The following ITIH4 variants were observed in gnomAD, a reference collection of about 807,000 sequenced individuals.
ITIH4 encodes inter-alpha-trypsin inhibitor heavy chain 4, also known as inter-alpha-trypsin inhibitor heavy chain H4.
In ITIH4, 79 loss-of-function variants were observed where a neutral mutation model predicts 111.8. That is an observed-to-expected ratio of 0.71 (90% CI 0.59 to 0.85). The LOEUF is 0.85. Ranked by LOEUF, ITIH4 falls within the 40% of genes least tolerant of loss-of-function variation. The probability of loss-of-function intolerance (pLI) is 0.00; values close to 1 mark genes in which losing one functional copy is unlikely to be tolerated. For synonymous variants in ITIH4, 472 were observed against 468.3 expected (o/e 1.01, Z -0.10); for missense variants, 1,065 against 1,195.8 (o/e 0.89, Z 1.61).
At chr3:52,816,174 G>T (rs1373447927) in intron 21 of ITIH4, among the ~76,000 whole-genome samples, 1 of 152,180 alleles carries the variant, frequency 6.6e-6, no homozygotes, top group Admixed American at 6.5e-5. Flanking sequence ...GCCCACAGAG[G>T]ACGAGGGCCT....
chr3:52,825,844 C>G (rs1209631056), intron 6 of ITIH4, 42 bp downstream of exon 6: 4 of 1,585,816 alleles, frequency 2.5e-6, no homozygotes, highest in Middle Eastern at 2.0e-4. Flanking sequence ...TGGGGGTGGA[C>G]AGACTTCTAG....
chr3:52,827,122 C>G lies in ITIH4; in HGVS notation c.327G>C (p.Val109=). 6.2e-7 allele frequency: 1 copy of G among 1,614,170 alleles called. No individual in the cohort carries two copies. Among genetic ancestry groups the G allele is most frequent in the South Asian group, 1.1e-5 (1 of 91,076 alleles). ...AEAQAQYSAA[V]AKGKSAGLVK... is the part of the protein sequence containing the mutation. ...CGAGGCCAGCGCTCTTTCCCTTGGC[C>G]ACTGCTGCGCTGTACTGTGCCTGGG... The change falls in exon 3 of 24, where the codon GTG becomes GTC. Residue 109 remains valine, a synonymous_variant. Transcript: ENST00000266041.
At chr3:52,817,948 G>A in intron 20 of ITIH4, 104 bp downstream of exon 20, 1 of 859,674 alleles carries the variant, frequency 1.2e-6, no homozygotes, top group Non-Finnish European at 2.0e-6. Flanking sequence ...TGATCTGGGA[G>A]GGGCCTGTGT....
chr3:52,820,523 C>G, intron 13 of ITIH4, 108 bp downstream of exon 13: 1 of 1,368,312 alleles, frequency 7.3e-7, no homozygotes, highest in Non-Finnish European at 1.0e-6. Flanking sequence ...CAGGGGGAGT[C>G]TGTTGGGGGC....
intron 11 of ITIH4, among the ~76,000 whole-genome samples, chr3:52,823,053 A>G (rs1472536623): frequency 1.3e-5 from 2 of 152,282 alleles, no homozygotes; most frequent in South Asian, 2.1e-4. Flanking sequence ...CAGGGCCTGA[A>G]GAAGGCCCTG....
rs867363209 is a variant in ITIH4 at position 52,819,774 on chromosome 3, C to A, written c.1931G>T (p.Arg644Ile). The change falls in exon 16 of 24, where the codon AGA (arginine) becomes ATA (isoleucine). Residue 644 changes from arginine to isoleucine, a missense_variant. By Grantham distance (97) the Arg-to-Ile change is moderately conservative (BLOSUM62 -3). Transcript: ENST00000266041. The part of the protein sequence containing the change: ...IPKPEASFSP[R>I]RGWNRQAGAA... ...ACTACCTTGTCTATTCCATCCTCTT[C>A]TTGGAGAAAAGGAAGCCTCTGTGTG... 3.1e-6 allele frequency: 5 copies of A among 1,614,008 alleles called. No homozygotes were observed. In the African/African-American group the frequency reaches 5.3e-5, roughly 17 times the overall value.
At chr3:52,820,378 G>T in intron 13 of ITIH4, 61 bp from the exon 14 acceptor site, 1 of 1,570,986 alleles carries the variant, frequency 6.4e-7, no homozygotes, top group South Asian at 1.1e-5. Context: ...GACACCGTCA[G>T]GGTGGTTTTC....
Position 52,823,708 on chromosome 3 carries a change from T to C in ITIH4, c.1387A>G (p.Thr463Ala). ...FYQEVANPLL[T>A]AVTFEYPSNA... ...CTTGGGTACTCGAAGGTCACTGCTGTCAGCAGTGGGTTGGCCACTTCCTGG... is the reference window on the plus strand; with the variant it reads ...CTTGGGTACTCGAAGGTCACTGCTGCCAGCAGTGGGTTGGCCACTTCCTGG... Residue 463 changes from threonine to alanine, a missense_variant, in exon 11 of 24, where the codon ACA becomes GCA. By Grantham distance (58) the Thr-to-Ala change is moderately conservative (BLOSUM62 0). Coordinates refer to ENST00000266041, the MANE Select transcript of ITIH4 (RefSeq NM_002218.5). 1 of 1,614,180 alleles carries C rather than the reference T, an allele frequency of 6.2e-7. No individual in the cohort carries two copies. Among genetic ancestry groups the C allele is most frequent in the Non-Finnish European group, 8.5e-7 (1 of 1,180,030 alleles).
At chr3:52,829,084 G>A (rs761929607) in intron 2 of ITIH4, 35 bp downstream of exon 2, 112 of 1,536,044 alleles carry the variant, frequency 7.3e-5, no homozygotes, top group Middle Eastern at 1.7e-4. Flanking sequence ...GCACTGGGGG[G>A]TGTGGAGAGG....
At chr3:52,813,856 C>A (rs1420865579) in intron 23 of ITIH4, 119 bp downstream of exon 23, 3 of 789,162 alleles carry the variant, frequency 3.8e-6, no homozygotes, top group South Asian at 1.6e-5. Flanking sequence ...CAACCTTCCA[C>A]CGGACTGTGT....
chr3:52,820,548 G>C, intron 13 of ITIH4, 83 bp downstream of exon 13: 1 of 1,491,572 alleles, frequency 6.7e-7, no homozygotes, highest in East Asian at 2.3e-5. Flanking sequence ...TTGGGGTCTT[G>C]GTCAGGATGC....
At chr3:52,826,046 G>A (rs776013724) in intron 5 of ITIH4, 32 bp from the exon 6 acceptor site, 2 of 1,613,098 alleles carry the variant, frequency 1.2e-6, no homozygotes, top group Admixed American at 1.7e-5. Flanking sequence ...AAGTTGGGAG[G>A]AACAGCAAAG....
chr3:52,825,128 T>G (rs1439406607), intron 6 of ITIH4, 170 bp from the exon 7 acceptor site: 1 of 444,010 alleles, frequency 2.3e-6, no homozygotes, highest in African/African-American at 2.0e-5. Flanking sequence ...GACCAGCCCC[T>G]TTCTTGCGGA....
At chr3:52,823,449 C>A in intron 11 of ITIH4, 107 bp downstream of exon 11, 1 of 876,224 alleles carries the variant, frequency 1.1e-6, no homozygotes, top group Middle Eastern at 3.5e-4. Context: ...CCACAGGCAG[C>A]AGAGGGGAAA....
chr3:52,813,445 A>T lies in ITIH4; in HGVS notation c.2769T>A (p.Ile923=). The T allele has an allele frequency of 1.2e-6, 2 of 1,614,078 alleles. No individual in the cohort carries two copies. The highest frequency in any genetic ancestry group is 1.7e-6 in the Non-Finnish European group (2 of 1,180,010). Residue 923 remains isoleucine (I), a synonymous_variant, in exon 24 of 24, where the codon ATT becomes ATA. Coordinates refer to ENST00000266041, the MANE Select transcript of ITIH4 (RefSeq NM_002218.5). ...ACTACAGCTCCACAGACCAGCAGGA[A>T]ATCTCCACTCCCGGGGGCCCCTCCT... The part of the protein sequence containing the change: ...DYQEGPPGVE[I]SCWSVEL
intron 21 of ITIH4, among the ~76,000 whole-genome samples, chr3:52,815,710 G>C (rs1273465489): frequency 6.8e-6 from 1 of 146,230 alleles, no homozygotes; most frequent in African/African-American, 2.5e-5. Flanking sequence ...TCCTTTTTTC[G>C]GAGATAGGGT....
chr3:52,816,784 C>T (rs1700283666), intron 21 of ITIH4, 100 bp downstream of exon 21: 1 of 1,126,248 alleles, frequency 8.9e-7, no homozygotes, highest in Admixed American at 1.9e-5. Context: ...GTAGCTGCTC[C>T]ATTCTCAGGT....
At chr3:52,826,708 G>T in intron 4 of ITIH4, 57 bp from the exon 5 acceptor site, 1 of 1,610,632 alleles carries the variant, frequency 6.2e-7, no homozygotes, top group Non-Finnish European at 8.5e-7. Context: ...GGGCTCACAG[G>T]AGGCTCAGGG....
In ITIH4 at chr3:52,814,479, CCTTGGGTGGG is replaced by C; in HGVS notation, c.2472-126_2472-117del. The C allele has an allele frequency of 1.4e-5, 12 of 865,136 alleles. No individual in the cohort carries two copies. In the South Asian group the frequency reaches 2.0e-4, roughly 15 times the overall value. 53.6% of individuals were successfully genotyped at this position (865,136 alleles called of 1,614,324 possible). A position where few individuals can be genotyped will look rare whatever the true frequency, so the allele number is the denominator to read the frequency against. Reference sequence around the variant, plus strand: ...TCTTGTCCAGGAAGTCACGGAGTGGCCTTGGGTGGGAAGGCCCTTAAATCTTCTGATTTCA... The same window carrying C: ...TCTTGTCCAGGAAGTCACGGAGTGGCAAGGCCCTTAAATCTTCTGATTTCA... On this transcript the variant is annotated intron_variant, in intron 21 of 23. Transcript: ENST00000266041.
Sources: gnomAD v4.1 joint callset for allele counts (sites outside exome capture counted in the v4.1 genomes callset) on GRCh38, gnomAD v4.1.1 for gene constraint, MANE v1.5 for transcripts, NCBI Gene and HGNC (gene_info 2026-07-23, HGNC 2026-07-21) for gene names.